The following MACF1 variants were observed in gnomAD, a reference collection of about 807,000 sequenced individuals.
MACF1 encodes microtubule actin crosslinking factor 1.
In MACF1, 193 loss-of-function variants were observed where a neutral mutation model predicts 854.8. The ratio of observed to expected loss-of-function variants is 0.23; its 90% CI spans 0.20 to 0.25. MACF1 has a LOEUF of 0.25. Among genes scored for constraint, MACF1 ranks in the 10% least tolerant of loss-of-function variants. The pLI, the probability that MACF1 is intolerant of heterozygous loss-of-function variation, is 1.00. For missense variants in MACF1, 7,722 were observed against 8,929.1 expected (o/e 0.86, Z 5.45); for synonymous variants, 3,185 against 3,226.7 (o/e 0.99, Z 0.44).
At chr1:39,254,241 T>A (rs1645073725) in intron 4 of MACF1, 57 bp from the exon 5 acceptor site, 8 of 1,374,532 alleles carry the variant, frequency 5.8e-6, no homozygotes, top group Non-Finnish European at 8.3e-6. Flanking sequence ...AGAGAAAGGG[T>A]CTGTATGGTT....
chr1:39,452,130 AC>A (rs777302520), intron 85 of MACF1, 25 bp from the exon 86 acceptor site: 2 of 1,562,928 alleles, frequency 1.3e-6, no homozygotes, highest in East Asian at 2.3e-5. Context: ...CCTTGAACAA[AC>A]AAATTCTCCT....
chr1:39,240,211 T>A (rs373268455), intron 2 of MACF1, among the ~76,000 whole-genome samples: 1 of 152,252 alleles, frequency 6.6e-6, no homozygotes, highest in African/African-American at 2.4e-5. Flanking sequence ...TGCGTATTCA[T>A]GTCTATGGGA....
intron 58 of MACF1, chr1:39,412,122 C>T: frequency 6.2e-7 from 1 of 1,613,990 alleles, no homozygotes; most frequent in Non-Finnish European, 8.5e-7. Context: ...TATCAGGCTT[C>T]ATTGCTTCTG....
At chr1:39,138,165 C>T (rs1212144417) in intron 2 of MACF1, among the ~76,000 whole-genome samples, 1 of 151,384 alleles carries the variant, frequency 6.6e-6, no homozygotes, top group Admixed American at 6.6e-5. Context: ...TATGTGCTAC[C>T]TGTCACTCAA....
At chr1:39,244,325 A>G (rs1644958260) in intron 2 of MACF1, among the ~76,000 whole-genome samples, 2 of 151,882 alleles carry the variant, frequency 1.3e-5, no homozygotes, top group South Asian at 2.1e-4. Flanking sequence ...ACTGTCACCC[A>G]GGTTGGAGTG....
intron 6 of MACF1, among the ~76,000 whole-genome samples, chr1:39,261,547 G>A (rs908658864): frequency 3.3e-5 from 5 of 152,090 alleles, no homozygotes; most frequent in Admixed American, 3.3e-4. Flanking sequence ...CATATAAATG[G>A]AATCCTATGA....
At chr1:39,464,981 A>G (rs878919794) in intron 94 of MACF1, 114 bp from the exon 95 acceptor site, 3 of 935,150 alleles carry the variant, frequency 3.2e-6, no homozygotes, top group South Asian at 2.6e-5. Flanking sequence ...AGTGTGTGTC[A>G]CTTTGCCAGA....
chr1:39,287,153 G>A (rs1184778527), intron 14 of MACF1, 133 bp from the exon 15 acceptor site: 37 of 938,342 alleles, frequency 3.9e-5, no homozygotes, highest in Non-Finnish European at 5.6e-5. Context: ...TAGAGACGGG[G>A]TTTCACCATG....
Position 39,460,927 on chromosome 1 carries a change from T to C in MACF1, c.21523+133T>C. On this transcript the variant is annotated intron_variant, in intron 92 of 100. Coordinates refer to ENST00000564288, the MANE Select transcript of MACF1 (RefSeq NM_001394062.1). This position sits in a 1 kb window ranked among gnomAD's most constrained non-coding sequence, Gnocchi z 4.1. ...GGCTCACACCTGTAATTCCAGCACT[T>C]TGGGAGGCAGGTGGCAAAGGCATGG... is the stretch of plus-strand genomic sequence containing the variant. The C allele has an allele frequency of 9.7e-7, 1 of 1,027,434 alleles. No individual in the cohort carries two copies. 63.6% of individuals were successfully genotyped at this position (1,027,434 alleles called of 1,614,324 possible). A position where few individuals can be genotyped will look rare whatever the true frequency, so the allele number is the denominator to read the frequency against.
intron 17 of MACF1, 110 bp downstream of exon 17, chr1:39,292,953 G>C: frequency 6.3e-6 from 5 of 794,034 alleles, no homozygotes; most frequent in Non-Finnish European, 1.0e-5. Context: ...TTGGTTTTCT[G>C]CTTATTAGGT....
intron 88 of MACF1, 49 bp downstream of exon 88, chr1:39,453,899 C>T (rs1644385299): frequency 6.2e-7 from 1 of 1,601,628 alleles, no homozygotes; most frequent in Non-Finnish European, 8.5e-7. Flanking sequence ...TAAACTATCA[C>T]TATAGTATAG....
intron 23 of MACF1, 36 bp from the exon 24 acceptor site, chr1:39,309,534 T>TA: frequency 6.2e-7 from 1 of 1,612,436 alleles, no homozygotes; most frequent in Non-Finnish European, 8.5e-7. Context: ...GCTGAAGTCT[T>TA]ACAAAGGTAA....
chr1:39,243,532 G>A (rs1181641017), intron 2 of MACF1, among the ~76,000 whole-genome samples: 1 of 152,166 alleles, frequency 6.6e-6, no homozygotes, highest in Non-Finnish European at 1.5e-5. Flanking sequence ...CTCCTGAGTA[G>A]CTGGGATTGT....
chr1:39,246,668 C>A (rs1352040818), intron 2 of MACF1, among the ~76,000 whole-genome samples: 1 of 151,836 alleles, frequency 6.6e-6, no homozygotes, highest in Admixed American at 6.6e-5. Flanking sequence ...ACGACCACAC[C>A]CGGCTAATTT....
intron 1 of MACF1, among the ~76,000 whole-genome samples, chr1:39,218,850 G>A (rs1006636647): frequency 2.0e-5 from 3 of 152,068 alleles, no homozygotes; most frequent in Admixed American, 6.6e-5. Context: ...GGGCGATCTC[G>A]GCTCACTGCA....
At chr1:39,290,048 G>A (rs754525641) in intron 15 of MACF1, among the ~76,000 whole-genome samples, 8 of 152,102 alleles carry the variant, frequency 5.3e-5, no homozygotes, top group Admixed American at 1.3e-4. Flanking sequence ...TTAACTTGAT[G>A]TAATCCCATT....
intron 2 of MACF1, among the ~76,000 whole-genome samples, chr1:39,245,571 G>T (rs894328551): frequency 6.6e-6 from 1 of 152,132 alleles, no homozygotes; most frequent in Non-Finnish European, 1.5e-5. Flanking sequence ...GAGCCACTGC[G>T]CCTGGCAACA....
chr1:39,440,205 C>T (rs1313031717), intron 72 of MACF1, among the ~76,000 whole-genome samples: 5 of 148,508 alleles, frequency 3.4e-5, no homozygotes, highest in Admixed American at 6.7e-5. Context: ...ATCCACCTCC[C>T]GGGCTCAAGC....
chr1:39,206,940 CTT>C (rs1180991112), intron 1 of MACF1: 1 of 151,092 alleles, frequency 6.6e-6, no homozygotes, highest in Non-Finnish European at 1.5e-5. Context: ...TAAATGTACA[CTT>C]GATTAAAAAC....
Sources: allele counts gnomAD v4.1 joint callset (sites outside exome capture counted in the v4.1 genomes callset), GRCh38; gene constraint gnomAD v4.1.1; non-coding constraint Gnocchi (gnomAD v3.1); transcripts MANE v1.5; gene names NCBI Gene and HGNC (gene_info 2026-07-23, HGNC 2026-07-21).